DERA: variants seen among roughly 807,000 people sequenced by gnomAD.
DERA encodes the protein deoxyribose-phosphate aldolase.
DERA carries 15 observed loss-of-function variants against 41.1 expected under a neutral mutation model. The ratio of observed to expected loss-of-function variants is 0.37; its 90% CI spans 0.24 to 0.56. DERA has a LOEUF of 0.56. DERA is among the 20% of genes least tolerant of loss of function. The pLI is 0.81. For synonymous variants in DERA, 139 were observed against 137.4 expected, an observed-to-expected ratio of 1.01 and a Z score of -0.08; for missense variants, 396 against 403.4, an observed-to-expected ratio of 0.98 and a Z score of 0.16.
At chr12:15,933,127 C>T (rs769307640) in intron 1 of DERA, among the ~76,000 whole-genome samples, 30 of 152,288 alleles carry the variant, frequency 2.0e-4, no homozygotes, top group Admixed American at 4.6e-4. Context: ...CTGCAGTGAA[C>T]GTGGTAGAGC....
At chr12:16,032,015 G>T (rs1302861748) in intron 6 of DERA, among the ~76,000 whole-genome samples, 2 of 152,158 alleles carry the variant, frequency 1.3e-5, no homozygotes, top group South Asian at 2.1e-4. Flanking sequence ...AAATAGCGTG[G>T]TCTCTTTCAT....
At chr12:15,920,514 C>T (rs918930516) in intron 1 of DERA, among the ~76,000 whole-genome samples, 11 of 152,182 alleles carry the variant, frequency 7.2e-5, no homozygotes, top group African/African-American at 2.4e-4. Context: ...AACACAGATT[C>T]CTGAGCCCCA....
Position 16,004,625 on chromosome 12 carries a change from C to G in DERA, c.637+22189C>G, listed in dbSNP as rs994431876. ...ATTAACTTATTAAATTGTATGCTCT[C>G]AAGAAACAAGTGGGTGTTTATGCAT... is the stretch of plus-strand genomic sequence containing the variant. On this transcript the variant is annotated intron_variant, in intron 6 of 8. Transcript: ENST00000428559. The surrounding 1 kb of genome is among the most constrained non-coding windows in gnomAD (Gnocchi z 4.2). Among the ~76,000 whole-genome samples, 1 of 152,248 alleles carries G rather than the reference C, an allele frequency of 6.6e-6. No homozygotes were observed. The highest frequency in any genetic ancestry group is 2.4e-5 in the African/African-American group (1 of 41,566).
intron 6 of DERA, among the ~76,000 whole-genome samples, chr12:15,986,159 ACAC>A (rs1948762924): frequency 6.6e-6 from 1 of 152,154 alleles, no homozygotes; most frequent in African/African-American, 2.4e-5. Flanking sequence ...TCATCTGGCC[ACAC>A]CAGCTTTCTT....
At chr12:16,018,639 T>C (rs1237592118) in intron 6 of DERA, among the ~76,000 whole-genome samples, 3 of 152,140 alleles carry the variant, frequency 2.0e-5, no homozygotes. Context: ...TAGAAGACCA[T>C]ATACAAGGGC....
At chr12:15,980,326 C>A (rs905706420) in intron 5 of DERA, among the ~76,000 whole-genome samples, 1 of 152,254 alleles carries the variant, frequency 6.6e-6, no homozygotes, top group East Asian at 1.9e-4. Context: ...CTGCATTTGT[C>A]CTACTCTAAA....
intron 5 of DERA, among the ~76,000 whole-genome samples, chr12:15,968,967 C>T (rs913391749): frequency 6.6e-6 from 1 of 152,202 alleles, no homozygotes; most frequent in Non-Finnish European, 1.5e-5. Flanking sequence ...TCTCTGCTTC[C>T]ATGTAAATGT....
chr12:15,948,704 A>G (rs1237148135), intron 1 of DERA, among the ~76,000 whole-genome samples: 2 of 152,156 alleles, frequency 1.3e-5, no homozygotes, highest in Non-Finnish European at 2.9e-5. Context: ...CAACTCGTCA[A>G]AGTCATTCTC....
At chr12:15,944,317 A>G (rs1948430396) in intron 1 of DERA, among the ~76,000 whole-genome samples, 1 of 152,182 alleles carries the variant, frequency 6.6e-6, no homozygotes, top group African/African-American at 2.4e-5. Flanking sequence ...GTCTTCCACA[A>G]TGGTTGAACT....
intron 6 of DERA, among the ~76,000 whole-genome samples, chr12:15,997,269 G>T (rs1948844454): frequency 6.6e-6 from 1 of 152,114 alleles, no homozygotes; most frequent in African/African-American, 2.4e-5. Flanking sequence ...CAATTCTCTT[G>T]TGTTCTCTTT....
At chr12:15,939,161 AAAG>A (rs2136135122) in intron 1 of DERA, among the ~76,000 whole-genome samples, 2 of 152,316 alleles carry the variant, frequency 1.3e-5, no homozygotes, top group South Asian at 4.1e-4. Flanking sequence ...ACATGGAGAG[AAAG>A]AAGGAGACTT....
chr12:15,997,656 T>A (rs1209463524), intron 6 of DERA, among the ~76,000 whole-genome samples: 1 of 151,964 alleles, frequency 6.6e-6, no homozygotes, highest in Non-Finnish European at 1.5e-5. Flanking sequence ...CTTTTTTCTC[T>A]TTTTAAATTT....
chr12:15,973,647 C>T (rs762314344), intron 5 of DERA, among the ~76,000 whole-genome samples: 8 of 151,966 alleles, frequency 5.3e-5, no homozygotes, highest in Middle Eastern at 3.4e-3. Flanking sequence ...CTTAAGTATC[C>T]AATAACAGGA....
intron 5 of DERA, among the ~76,000 whole-genome samples, chr12:15,978,499 T>C (rs2136159874): frequency 6.6e-6 from 1 of 152,320 alleles, no homozygotes; most frequent in South Asian, 2.1e-4. Context: ...ATCACAAAAA[T>C]ATGTGAGCAA....
chr12:15,960,662 A>C (rs902438931), intron 4 of DERA, among the ~76,000 whole-genome samples: 2 of 150,312 alleles, frequency 1.3e-5, no homozygotes, highest in Non-Finnish European at 3.0e-5. Context: ...AAAAAAAAAA[A>C]ACAACGATAT....
rs187745256 is a variant in DERA at position 15,938,071 on chromosome 12, G to A, written c.32-18865G>A. Among the ~76,000 whole-genome samples, 45 of 152,250 alleles carry A rather than the reference G, an allele frequency of 3.0e-4. No homozygotes were observed. The highest frequency in any genetic ancestry group is 3.9e-4 in the Admixed American group (6 of 15,302). On this transcript the variant is annotated intron_variant, in intron 1 of 8. Coordinates refer to ENST00000428559, the MANE Select transcript of DERA (RefSeq NM_015954.4). This position sits in a 1 kb window ranked among gnomAD's most constrained non-coding sequence, Gnocchi z 4.1. ...ACCACTGGATTATGTGCCAGGGCCT[G>A]ATAGACAATGAACACCTAAATATTT...
chr12:15,921,894 C>T lies in DERA; in HGVS notation c.31+10480C>T, dbSNP rs149372413. The stretch of plus-strand genomic sequence containing the variant: ...TGAGCCGAGATCACGCCATTGCACT[C>T]CAGCCTGGGTGACGAGCAAAACTCC... On this transcript the variant is annotated intron_variant, in intron 1 of 8. Transcript: ENST00000428559. The surrounding 1 kb of genome is among the most constrained non-coding windows in gnomAD (Gnocchi z 5.3). Among the ~76,000 whole-genome samples the T allele has an allele frequency of 0.01, 1,572 of 151,610 alleles. 31 individuals are homozygous for T. Among genetic ancestry groups the T allele is most frequent in the African/African-American group, 0.035 (1,455 of 41,356 alleles).
chr12:15,974,273 T>C (rs1231714138), intron 5 of DERA, among the ~76,000 whole-genome samples: 1 of 152,178 alleles, frequency 6.6e-6, no homozygotes, highest in Non-Finnish European at 1.5e-5. Context: ...AATGTACAGA[T>C]TGTTCAGATT....
At chr12:15,991,828 G>A (rs1948804208) in intron 6 of DERA, among the ~76,000 whole-genome samples, 3 of 152,040 alleles carry the variant, frequency 2.0e-5, no homozygotes, top group Admixed American at 6.5e-5. Flanking sequence ...GGTCATTATT[G>A]ATGTTTGGAA....
Sources: allele counts gnomAD v4.1 joint callset (sites outside exome capture counted in the v4.1 genomes callset), GRCh38; gene constraint gnomAD v4.1.1; non-coding constraint Gnocchi (gnomAD v3.1); transcripts MANE v1.5; gene names NCBI Gene and HGNC (gene_info 2026-07-23, HGNC 2026-07-21).